ISM2: variants seen among roughly 807,000 people sequenced by gnomAD.
ISM2 encodes isthmin-2.
A neutral mutation model predicts 58.0 loss-of-function variants in ISM2; 50 were observed. The observed-to-expected ratio is 0.86, with a 90% confidence interval of 0.69 to 1.09. ISM2 has a LOEUF of 1.09. Among genes scored for constraint, ISM2 ranks in the 50% least tolerant of loss-of-function variants. The probability of loss-of-function intolerance (pLI) is 0.00; values close to 1 mark genes in which losing one functional copy is unlikely to be tolerated. For synonymous variants in ISM2, 303 were observed against 312.4 expected, an observed-to-expected ratio of 0.97 and a Z score of 0.32; for missense variants, 723 against 745.0, an observed-to-expected ratio of 0.97 and a Z score of 0.34.
intron 1 of ISM2, among the ~76,000 whole-genome samples, chr14:77,495,643 C>T (rs1177593970): frequency 2.6e-5 from 4 of 152,102 alleles, no homozygotes; most frequent in Non-Finnish European, 5.9e-5. Flanking sequence ...GTGTCTGGGC[C>T]TCGTGAGGCG....
intron 1 of ISM2, among the ~76,000 whole-genome samples, chr14:77,486,395 G>T (rs1004104034): frequency 3.9e-5 from 6 of 152,214 alleles, no homozygotes; most frequent in African/African-American, 1.4e-4. Context: ...TCCCAGGGCA[G>T]CCGTGGGCCC....
chr14:77,482,656 C>A lies in ISM2; in HGVS notation c.639G>T (p.Lys213Asn). 1 of 1,546,356 alleles carries A rather than the reference C, an allele frequency of 6.5e-7. No homozygotes were observed. Among genetic ancestry groups the A allele is most frequent in the Non-Finnish European group, 8.7e-7 (1 of 1,150,936 alleles). The part of the protein sequence containing the change: ...TPNPDNQVTI[K>N]VVEDPQAEVS... ...CCTCGGCCTGGGGGTCCTCCACCAC[C>A]TTGATGGTCACCTGCAGGAGACAGG... Residue 213 changes from lysine (K) to asparagine (N), a missense_variant, in exon 4 of 7, where the codon AAG becomes AAT. Physicochemically the swap from Lys to Asn is moderately conservative, Grantham distance 94 (BLOSUM62 0). Coordinates refer to ENST00000342219, the MANE Select transcript of ISM2 (RefSeq NM_199296.3).
rs2079247951 is a variant in ISM2, at chr14:77,497,149, C to A, written c.141+1504G>T. ...CTTTGGGAGGCCGAGGCAGGTGGAT[C>A]ATGAGGTCAGGAGCTCAAGACCGGC... On this transcript the variant is annotated intron_variant, in intron 1 of 6. Coordinates refer to ENST00000342219, the MANE Select transcript of ISM2 (RefSeq NM_199296.3). Among the ~76,000 whole-genome samples, 4 of 151,916 alleles carry A rather than the reference C, an allele frequency of 2.6e-5. No homozygotes were observed. The South Asian group carries it at 6.3e-4, about 24-fold the overall frequency.
At chr14:77,490,453 T>G (rs2079196385) in intron 1 of ISM2, among the ~76,000 whole-genome samples, 1 of 152,266 alleles carries the variant, frequency 6.6e-6, no homozygotes, top group African/African-American at 2.4e-5. Flanking sequence ...ACAACAACAC[T>G]TTAGGTAGGT....
intron 1 of ISM2, among the ~76,000 whole-genome samples, chr14:77,495,269 T>C (rs772981925): frequency 6.6e-6 from 1 of 152,188 alleles, no homozygotes; most frequent in Non-Finnish European, 1.5e-5. Context: ...CTCCAAGGCC[T>C]AGACTCTAAG....
chr14:77,487,604 G>C (rs559340365), intron 1 of ISM2, among the ~76,000 whole-genome samples: 1 of 152,326 alleles, frequency 6.6e-6, no homozygotes, highest in East Asian at 1.9e-4. Flanking sequence ...GCTGCTCTTG[G>C]GAGTCTCCCT....
At chr14:77,497,367 CAAA>C (rs35676781) in intron 1 of ISM2, among the ~76,000 whole-genome samples, 6 of 64,780 alleles carry the variant, frequency 9.3e-5, no homozygotes, top group Non-Finnish European at 1.6e-4. Context: ...GGCTCTGTCT[CAAA>C]AAAAAAAAAA....
intron 1 of ISM2, among the ~76,000 whole-genome samples, chr14:77,491,074 A>C (rs2079200660): frequency 6.6e-6 from 1 of 152,162 alleles, no homozygotes; most frequent in African/African-American, 2.4e-5. Flanking sequence ...TCTCATTGCC[A>C]CCCACCTGGC....
chr14:77,485,596 C>T (rs1379822765), intron 1 of ISM2, among the ~76,000 whole-genome samples: 1 of 152,276 alleles, frequency 6.6e-6, no homozygotes, highest in Non-Finnish European at 1.5e-5. Flanking sequence ...AGATCCATGT[C>T]ATCTCTGACT....
chr14:77,491,046 C>T (rs1189379068), intron 1 of ISM2, among the ~76,000 whole-genome samples: 1 of 152,220 alleles, frequency 6.6e-6, no homozygotes, highest in Non-Finnish European at 1.5e-5. Context: ...TAAAATCAGC[C>T]TTTAGGAAAT....
intron 1 of ISM2, among the ~76,000 whole-genome samples, chr14:77,495,443 T>C (rs779319588): frequency 1.3e-5 from 2 of 152,176 alleles, no homozygotes; most frequent in African/African-American, 2.4e-5. Context: ...ATAATTACAA[T>C]ACAAAGCAGT....
chr14:77,487,424 A>G (rs1018681782), intron 1 of ISM2, among the ~76,000 whole-genome samples: 4 of 152,170 alleles, frequency 2.6e-5, no homozygotes, highest in Non-Finnish European at 4.4e-5. Flanking sequence ...GAATGACAAC[A>G]GGACTAAGCC....
At chr14:77,492,478 C>T (rs905591681) in intron 1 of ISM2, among the ~76,000 whole-genome samples, 11 of 150,544 alleles carry the variant, frequency 7.3e-5, no homozygotes, top group Middle Eastern at 3.5e-3. Flanking sequence ...AGCTGGGTCA[C>T]TCTTTGCCTG....
In ISM2 at chr14:77,478,620, A is replaced by G; in HGVS notation, c.1069T>C (p.Cys357Arg). 6.2e-7 allele frequency: 1 copy of G among 1,611,402 alleles called. No individual in the cohort carries two copies. The highest frequency in any genetic ancestry group is 1.3e-5 in the African/African-American group (1 of 74,208). ...CAGGTACGGGTCTCGGTGGCAGTGC[A>G]GCCATAGCCACAGGGCCGAGTCCTC... is the stretch of plus-strand genomic sequence containing the variant. ...QQRTRPCGYG[C>R]TATETRTCDL... The change falls in exon 5 of 7, where the codon TGC becomes CGC. Residue 357 changes from cysteine (C) to arginine (R), a missense_variant. Cys to Arg is a radical substitution (Grantham distance 180). Coordinates refer to ENST00000342219, the MANE Select transcript of ISM2 (RefSeq NM_199296.3).
rs1258041800 is a variant in ISM2, at chr14:77,478,628, C to G, written c.1061G>C (p.Gly354Ala). 6.2e-7 allele frequency: 1 copy of G among 1,610,132 alleles called. No homozygotes were observed. Among genetic ancestry groups the G allele is most frequent in the Admixed American group, 1.7e-5 (1 of 59,696 alleles). ...GGTCTCGGTGGCAGTGCAGCCATAG[C>G]CACAGGGCCGAGTCCTCTGCTGCTT... The part of the protein sequence containing the change: ...TGKQQRTRPC[G>A]YGCTATETRT... The change falls in exon 5 of 7, where the codon GGC (glycine) becomes GCC (alanine). Residue 354 changes from glycine to alanine, a missense_variant. Gly to Ala is a moderately conservative substitution (Grantham distance 60). Transcript: ENST00000342219.
Position 77,475,869 on chromosome 14 carries a change from G to C in ISM2, c.1442C>G (p.Ser481Cys), listed in dbSNP as rs2079094557. The C allele has an allele frequency of 1.2e-6, 2 of 1,608,104 alleles. No homozygotes were observed. Among genetic ancestry groups the C allele is most frequent in the East Asian group, 4.5e-5 (2 of 44,878 alleles). ...TARFCLRSML[S>C]GESSTLAAQH... ...GGCGGCCAGTGTGCTGCTCTCCCCA[G>C]ACAGCATGGAACGCAGGCAGAAGCG... is the stretch of plus-strand genomic sequence containing the variant. The change falls in exon 7 of 7, where the codon TCT becomes TGT. Residue 481 changes from serine (S) to cysteine (C), a missense_variant. By Grantham distance (112) the Ser-to-Cys change is moderately radical (BLOSUM62 -1). Transcript: ENST00000342219. The surrounding 1 kb of genome is among the most constrained non-coding windows in gnomAD (Gnocchi z 4.1).
intron 1 of ISM2, among the ~76,000 whole-genome samples, chr14:77,485,179 G>A (rs2079160442): frequency 6.6e-6 from 1 of 152,256 alleles, no homozygotes; most frequent in Non-Finnish European, 1.5e-5. Context: ...GAGGATGCCA[G>A]TGTAAGGCAT....
Position 77,482,237 on chromosome 14 carries a change from G to A in ISM2, c.973+85C>T, listed in dbSNP as rs564855913. ...TGGCTTCCTCAATGGTCTTGCCTGG[G>A]AAGCCTCCACCCTCTCCCTCACCCC... On this transcript the variant is annotated intron_variant, in intron 4 of 6. Coordinates refer to ENST00000342219, the MANE Select transcript of ISM2 (RefSeq NM_199296.3). 7 of 1,002,676 alleles carry A rather than the reference G, an allele frequency of 7.0e-6. No homozygotes were observed. The Admixed American group carries it at 1.4e-4, about 19-fold the overall frequency. 62.1% of individuals were successfully genotyped at this position (1,002,676 alleles called of 1,614,324 possible). A position where few individuals can be genotyped will look rare whatever the true frequency, so the allele number is the denominator to read the frequency against.
Position 77,498,638 on chromosome 14 carries a change from G to A in ISM2, c.141+15C>T. The A allele has an allele frequency of 6.9e-7, 1 of 1,442,814 alleles. No individual in the cohort carries two copies. The highest frequency in any genetic ancestry group is 2.7e-5 in the Admixed American group (1 of 37,650). 89.4% of individuals were successfully genotyped at this position (1,442,814 alleles called of 1,614,324 possible). A position where few individuals can be genotyped will look rare whatever the true frequency, so the allele number is the denominator to read the frequency against. Reference sequence around the variant, plus strand: ...CCGACAGCGCGCTCCGCAGCCCGGTGCCGCCGCCACTCACCTCTGCGAGCC... The same window carrying A: ...CCGACAGCGCGCTCCGCAGCCCGGTACCGCCGCCACTCACCTCTGCGAGCC... On this transcript the variant is annotated intron_variant, in intron 1 of 6. Coordinates refer to ENST00000342219, the MANE Select transcript of ISM2 (RefSeq NM_199296.3).
Sources: allele counts gnomAD v4.1 joint callset (sites outside exome capture counted in the v4.1 genomes callset), GRCh38; gene constraint gnomAD v4.1.1; non-coding constraint Gnocchi (gnomAD v3.1); transcripts MANE v1.5; gene names NCBI Gene and HGNC (gene_info 2026-07-23, HGNC 2026-07-21).